Variants in RBFOX1 observed in about 807,000 individuals in gnomAD.
RBFOX1 encodes RNA binding fox-1 homolog 1.
In RBFOX1, 8 loss-of-function variants were observed where a neutral mutation model predicts 57.7. That is an observed-to-expected ratio of 0.14 (90% CI 0.08 to 0.25). The LOEUF (loss-of-function observed/expected upper bound fraction) is 0.25. Ranked by LOEUF, RBFOX1 falls within the 10% of genes least tolerant of loss-of-function variation. The pLI, the probability that RBFOX1 is intolerant of heterozygous loss-of-function variation, is 1.00. For missense variants in RBFOX1, 611 were observed against 548.5 expected, an observed-to-expected ratio of 1.11 and a Z score of -1.14; for synonymous variants, 326 against 222.4, an observed-to-expected ratio of 1.47 and a Z score of -4.15.
At chr16:5,866,346 C>G (rs745711783) in intron 3 of RBFOX1, among the ~76,000 whole-genome samples, 9 of 152,182 alleles carry the variant, frequency 5.9e-5, no homozygotes. Context: ...TAATTACTTT[C>G]CAAAGGTCCA....
intron 1 of RBFOX1, among the ~76,000 whole-genome samples, chr16:5,359,466 C>G (rs1416238181): frequency 1.3e-5 from 2 of 152,160 alleles, no homozygotes; most frequent in African/African-American, 4.8e-5. Flanking sequence ...CACATTTTTG[C>G]CAGCATTTGT....
chr16:5,850,992 G>A (rs1025094671), intron 3 of RBFOX1, among the ~76,000 whole-genome samples: 10 of 152,168 alleles, frequency 6.6e-5, no homozygotes, highest in African/African-American at 2.2e-4. Context: ...GAGCTAAGCC[G>A]AGCTGTGGCC....
chr16:5,950,052 C>A (rs992337757), intron 4 of RBFOX1, among the ~76,000 whole-genome samples: 1 of 152,222 alleles, frequency 6.6e-6, no homozygotes, highest in African/African-American at 2.4e-5. Flanking sequence ...TTGCTCTAAT[C>A]AATCAGTGAT....
At chr16:6,420,872 G>A (rs1184844358) in intron 2 of RBFOX1, among the ~76,000 whole-genome samples, 2 of 152,178 alleles carry the variant, frequency 1.3e-5, no homozygotes, top group Non-Finnish European at 2.9e-5. Flanking sequence ...CATAGTGCAA[G>A]GAGTAAATAG....
intron 3 of RBFOX1, among the ~76,000 whole-genome samples, chr16:5,657,774 C>G (rs1341058886): frequency 1.4e-5 from 2 of 142,756 alleles, no homozygotes; most frequent in Non-Finnish European, 3.1e-5. Flanking sequence ...ACTCTGTCAC[C>G]CAGGTTGGAG....
chr16:6,697,351 C>G (rs1333602477), intron 3 of RBFOX1, among the ~76,000 whole-genome samples: 1 of 152,116 alleles, frequency 6.6e-6, no homozygotes, highest in Non-Finnish European at 1.5e-5. Context: ...AAGTATTCCA[C>G]CAGCCAGGGA....
chr16:5,929,575 G>T (rs1289192287), intron 4 of RBFOX1, among the ~76,000 whole-genome samples: 1 of 152,134 alleles, frequency 6.6e-6, no homozygotes, highest in Non-Finnish European at 1.5e-5. Context: ...TGTTCCATAT[G>T]TGTAGTTATT....
At chr16:5,633,702 C>A (rs1417820822) in intron 3 of RBFOX1, among the ~76,000 whole-genome samples, 1 of 151,974 alleles carries the variant, frequency 6.6e-6, no homozygotes. Context: ...CGTGAAACTC[C>A]GTCTCTTCTA....
At chr16:6,325,951 G>C (rs1280878966) in intron 2 of RBFOX1, among the ~76,000 whole-genome samples, 1 of 152,184 alleles carries the variant, frequency 6.6e-6, no homozygotes, top group Non-Finnish European at 1.5e-5. Flanking sequence ...AATGATTGCT[G>C]TTATTGCTAT....
intron 1 of RBFOX1, among the ~76,000 whole-genome samples, chr16:6,074,102 C>G (rs1567390448): frequency 6.6e-6 from 1 of 152,126 alleles, no homozygotes; most frequent in Non-Finnish European, 1.5e-5. Flanking sequence ...GCGCCCGCCA[C>G]CACGCCTGGC....
At chr16:7,028,244 C>T (rs1466162872) in intron 3 of RBFOX1, among the ~76,000 whole-genome samples, 1 of 152,068 alleles carries the variant, frequency 6.6e-6, no homozygotes, top group Non-Finnish European at 1.5e-5. Context: ...ATAGACAGGG[C>T]TTGCTCTACG....
intron 3 of RBFOX1, among the ~76,000 whole-genome samples, chr16:6,941,821 G>C (rs1439035622): frequency 6.6e-6 from 1 of 152,034 alleles, no homozygotes; most frequent in African/African-American, 2.4e-5. Flanking sequence ...ATAAGAATGA[G>C]CTGCTTTTTT....
intron 3 of RBFOX1, among the ~76,000 whole-genome samples, chr16:6,936,972 T>G (rs1041353199): frequency 1.4e-5 from 2 of 147,614 alleles, no homozygotes; most frequent in African/African-American, 2.5e-5. Context: ...GGGATAGCAT[T>G]GGGAGATATA....
chr16:6,496,185 A>G (rs963836466), intron 2 of RBFOX1, among the ~76,000 whole-genome samples: 26 of 152,226 alleles, frequency 1.7e-4, no homozygotes, highest in African/African-American at 6.0e-4. Context: ...TAGTGTTTAT[A>G]AAAGGCATGT....
chr16:5,891,088 C>G (rs186182767), intron 4 of RBFOX1, among the ~76,000 whole-genome samples: 1 of 152,152 alleles, frequency 6.6e-6, no homozygotes, highest in African/African-American at 2.4e-5. Context: ...ACTTGTCAAC[C>G]GTAACTGTTA....
At chr16:5,715,890 G>A (rs2151519330) in intron 3 of RBFOX1, among the ~76,000 whole-genome samples, 1 of 152,320 alleles carries the variant, frequency 6.6e-6, no homozygotes, top group Middle Eastern at 3.4e-3. Context: ...TATTTGTTGA[G>A]TGGTGCAGTG....
At chr16:7,476,827 T>C (rs2062821220) in intron 4 of RBFOX1, among the ~76,000 whole-genome samples, 1 of 152,218 alleles carries the variant, frequency 6.6e-6, no homozygotes, top group African/African-American at 2.4e-5. Context: ...TGCATATAAA[T>C]TGCATTGAAT....
chr16:5,994,461 C>T (rs922690101), intron 4 of RBFOX1, among the ~76,000 whole-genome samples: 2 of 152,204 alleles, frequency 1.3e-5, no homozygotes, highest in African/African-American at 4.8e-5. Context: ...CACTCCTGGG[C>T]ATTAGGTCTT....
At chr16:7,098,009 G>T (rs1028548207) in intron 4 of RBFOX1, among the ~76,000 whole-genome samples, 2 of 152,150 alleles carry the variant, frequency 1.3e-5, no homozygotes. Context: ...GAGGGCATTT[G>T]ACTTAAATGA....
Sources: allele counts gnomAD v4.1 joint callset (sites outside exome capture counted in the v4.1 genomes callset), GRCh38; gene constraint gnomAD v4.1.1; transcripts MANE v1.5; gene names NCBI Gene and HGNC (gene_info 2026-07-23, HGNC 2026-07-21).